Variants in TAPT1 observed in about 807,000 individuals in gnomAD.
TAPT1 encodes transmembrane anterior posterior transformation protein 1 homolog.
TAPT1 carries 28 observed loss-of-function variants against 65.6 expected under a neutral mutation model. That is an observed-to-expected ratio of 0.43 (90% CI 0.32 to 0.59). The LOEUF is 0.59. TAPT1 is among the 20% of genes least tolerant of loss of function. TAPT1 has a pLI of 0.09. For synonymous variants in TAPT1, 278 were observed against 245.2 expected (o/e 1.13, Z -1.25); for missense variants, 563 against 679.9 (o/e 0.83, Z 1.91).
chr4:16,206,110 A>G (rs1750328459), intron 2 of TAPT1, among the ~76,000 whole-genome samples: 1 of 152,240 alleles, frequency 6.6e-6, no homozygotes, highest in South Asian at 2.1e-4. Context: ...TCATCCCTAC[A>G]ATAAAATCAT....
chr4:16,165,591 T>A (rs557447833), intron 13 of TAPT1, among the ~76,000 whole-genome samples: 352 of 150,476 alleles, frequency 2.3e-3, no homozygotes, highest in African/African-American at 8.4e-3. Context: ...AAAAAATACA[T>A]CATTTAAACT....
At chr4:16,188,376 T>A (rs1285270778) in intron 4 of TAPT1, 21 bp from the exon 5 acceptor site, 19 of 1,517,540 alleles carry the variant, frequency 1.3e-5, no homozygotes, top group Non-Finnish European at 1.6e-5. Flanking sequence ...AAATTATTTG[T>A]AAGATGTTTC....
intron 12 of TAPT1, 52 bp from the exon 13 acceptor site, chr4:16,166,845 T>C: frequency 1.3e-6 from 2 of 1,578,522 alleles, no homozygotes; most frequent in South Asian, 1.1e-5. Context: ...TCTAAATCCC[T>C]GTGAATGCCA....
In TAPT1 at chr4:16,166,992, T is replaced by C. The variant is rs1021526668; in HGVS notation, c.1314-199A>G. ...AAAACTTCGGAATTCCTTAGTTCTC[T>C]TTTTTTTTTTTTTTTTTTTTGAGAC... On this transcript the variant is annotated intron_variant, in intron 12 of 13. Coordinates refer to ENST00000405303, the MANE Select transcript of TAPT1 (RefSeq NM_153365.3). 5 of 59,018 alleles carry C rather than the reference T, an allele frequency of 8.5e-5. No homozygotes were observed. In the South Asian group the frequency reaches 1.6e-3, roughly 19 times the overall value. The allele number at this position is 59,018 out of a possible 1,614,324, so 3.7% of individuals were successfully genotyped here. A position where few individuals can be genotyped will look rare whatever the true frequency, so the allele number is the denominator to read the frequency against.
chr4:16,198,503 CAA>C (rs1749846791), intron 3 of TAPT1, among the ~76,000 whole-genome samples: 1 of 149,834 alleles, frequency 6.7e-6, no homozygotes, highest in South Asian at 2.1e-4. Flanking sequence ...TTTCAAAGAA[CAA>C]AGAGACTAGG....
At chr4:16,190,396 T>C (rs574375166) in intron 4 of TAPT1, 1 of 152,128 alleles carries the variant, frequency 6.6e-6, no homozygotes, top group East Asian at 1.9e-4. Context: ...TGGGGTGCAG[T>C]GGGACGATTT....
chr4:16,163,699 T>C (rs909958741), intron 13 of TAPT1, among the ~76,000 whole-genome samples, 162 bp from the exon 14 acceptor site: 1 of 152,234 alleles, frequency 6.6e-6, no homozygotes, highest in African/African-American at 2.4e-5. Flanking sequence ...AGCCATCATT[T>C]ATAATAAAAC....
At chr4:16,199,811 A>C (rs1749926585) in intron 3 of TAPT1, among the ~76,000 whole-genome samples, 1 of 152,020 alleles carries the variant, frequency 6.6e-6, no homozygotes, top group African/African-American at 2.4e-5. Context: ...GGCTAGTCTT[A>C]ACTCCTGGCC....
intron 13 of TAPT1, among the ~76,000 whole-genome samples, chr4:16,163,866 C>G (rs1024828673): frequency 2.0e-5 from 3 of 152,160 alleles, no homozygotes; most frequent in African/African-American, 7.2e-5. Context: ...TGTTGGCAGT[C>G]CTGAAACATT....
chr4:16,174,080 CA>C, intron 11 of TAPT1, 123 bp downstream of exon 11: 1 of 811,198 alleles, frequency 1.2e-6, no homozygotes, highest in East Asian at 2.9e-5. Flanking sequence ...AATTTTCTTC[CA>C]AGTTATTTAC....
chr4:16,207,176 T>C (rs1319982188), intron 2 of TAPT1, among the ~76,000 whole-genome samples: 3 of 152,234 alleles, frequency 2.0e-5, no homozygotes, highest in Admixed American at 6.5e-5. Flanking sequence ...GAGAAGAATT[T>C]AGAGGGATGA....
At chr4:16,190,930 A>G (rs1005567194) in intron 4 of TAPT1, 1 of 158,028 alleles carries the variant, frequency 6.3e-6, no homozygotes, top group Non-Finnish European at 1.4e-5. Context: ...AAACATATAC[A>G]TAATCATAAC....
Position 16,166,620 on chromosome 4 carries a change from G to C in TAPT1, c.1474+13C>G. 1.2e-6 allele frequency: 2 copies of C among 1,611,692 alleles called. No individual in the cohort carries two copies. The highest frequency in any genetic ancestry group is 1.7e-6 in the Non-Finnish European group (2 of 1,177,976). On this transcript the variant is annotated intron_variant, in intron 13 of 13. Transcript: ENST00000405303. Reference sequence around the variant, plus strand: ...AAATGATCCAGGGAAGTGAAGAAAGGGACCAAACCTACCTTGAGAGGGTTT... The same window carrying C: ...AAATGATCCAGGGAAGTGAAGAAAGCGACCAAACCTACCTTGAGAGGGTTT...
At chr4:16,180,746 C>T (rs1290798157) in intron 7 of TAPT1, among the ~76,000 whole-genome samples, 1 of 152,212 alleles carries the variant, frequency 6.6e-6, no homozygotes. Context: ...TGTACCTTCC[C>T]TACATCCTTA....
intron 8 of TAPT1, among the ~76,000 whole-genome samples, chr4:16,177,443 T>C (rs1403769598): frequency 1.3e-5 from 2 of 152,168 alleles, no homozygotes; most frequent in Non-Finnish European, 2.9e-5. Flanking sequence ...AGCCGGAAGG[T>C]GGGATGGAGA....
intron 1 of TAPT1, among the ~76,000 whole-genome samples, chr4:16,224,457 G>A (rs1256426119): frequency 6.6e-6 from 1 of 152,198 alleles, no homozygotes; most frequent in Non-Finnish European, 1.5e-5. Context: ...GGCTTATGTG[G>A]AGGCTCAGAG....
intron 11 of TAPT1, among the ~76,000 whole-genome samples, chr4:16,171,498 G>A (rs995674179): frequency 3.3e-5 from 5 of 152,070 alleles, no homozygotes; most frequent in African/African-American, 9.7e-5. Flanking sequence ...GGGAGAAGTC[G>A]TCTTATCTAG....
rs1045054263 is a variant in TAPT1 at position 16,202,503 on chromosome 4, C to T, written c.408G>A (p.Leu136=). The change falls in exon 3 of 14, where the codon CTG becomes CTA. Residue 136 remains leucine (L), a synonymous_variant. Coordinates refer to ENST00000405303, the MANE Select transcript of TAPT1 (RefSeq NM_153365.3). ...VFTLLPLRVF[L]ALFRLLTLPC... is the part of the protein sequence containing the mutation. ...GCAAAGTGAGGAGCCTGAATAGTGC[C>T]AGGAAAACTCTTAAAGGAAGCAGGG... 2 of 1,552,110 alleles carry T rather than the reference C, an allele frequency of 1.3e-6. No homozygotes were observed. The highest frequency in any genetic ancestry group is 2.7e-5 in the African/African-American group (2 of 73,034).
chr4:16,186,449 C>T, intron 7 of TAPT1, 86 bp downstream of exon 7: 1 of 822,992 alleles, frequency 1.2e-6, no homozygotes, highest in East Asian at 2.7e-5. Context: ...TGAAGAGTGG[C>T]CCAGAGAAAA....
Sources: allele counts gnomAD v4.1 joint callset (sites outside exome capture counted in the v4.1 genomes callset), GRCh38; gene constraint gnomAD v4.1.1; transcripts MANE v1.5; gene names NCBI Gene and HGNC (gene_info 2026-07-23, HGNC 2026-07-21).